The following CCDC3 variants were observed in gnomAD, a reference collection of about 807,000 sequenced individuals.
CCDC3 encodes coiled-coil domain containing 3, also known as coiled-coil domain-containing protein 3.
Under a neutral mutation model 21.4 loss-of-function variants are expected in CCDC3, and 24 were observed. That is an observed-to-expected ratio of 1.12 (90% CI 0.81 to 1.58). The LOEUF (loss-of-function observed/expected upper bound fraction) is 1.58. Among genes scored for constraint, CCDC3 ranks in the 40% most tolerant of loss-of-function variants. The probability of loss-of-function intolerance (pLI) is 0.00; values close to 1 mark genes in which losing one functional copy is unlikely to be tolerated. For missense variants in CCDC3, 425 were observed against 360.9 expected, an observed-to-expected ratio of 1.18 and a Z score of -1.44; for synonymous variants, 186 against 166.0, an observed-to-expected ratio of 1.12 and a Z score of -0.93.
At chr10:13,090,002 A>G (rs1289035867) in intron 3 of CCDC3, among the ~76,000 whole-genome samples, 1 of 147,630 alleles carries the variant, frequency 6.8e-6, no homozygotes, top group East Asian at 2.0e-4. Context: ...CCATTAATTC[A>G]TTCCTTTTTA....
intron 5 of CCDC3, among the ~76,000 whole-genome samples, chr10:13,017,702 T>C (rs746608193): frequency 2.6e-5 from 4 of 152,050 alleles, no homozygotes; most frequent in African/African-American, 4.8e-5. Context: ...CAAATAACTT[T>C]CAAGATTTTT....
chr10:12,956,152 CTT>C (rs1270013054), intron 2 of CCDC3, among the ~76,000 whole-genome samples: 4 of 152,316 alleles, frequency 2.6e-5, no homozygotes, highest in African/African-American at 7.2e-5. Flanking sequence ...CCACTTCACT[CTT>C]GTTTCAGTGA....
intron 2 of CCDC3, among the ~76,000 whole-genome samples, chr10:12,945,387 A>G (rs185313375): frequency 3.0e-4 from 45 of 152,140 alleles, no homozygotes; most frequent in African/African-American, 9.4e-4. Flanking sequence ...ATAGAATGGC[A>G]TTGTTCCACA....
intron 2 of CCDC3, among the ~76,000 whole-genome samples, chr10:12,955,525 T>C (rs542646106): frequency 6.6e-6 from 1 of 152,270 alleles, no homozygotes; most frequent in Non-Finnish European, 1.5e-5. Context: ...TCATCTAGTT[T>C]GTAGCCAAAC....
chr10:12,920,182 G>C (rs1589005499), intron 2 of CCDC3, among the ~76,000 whole-genome samples: 1 of 152,254 alleles, frequency 6.6e-6, no homozygotes, highest in Non-Finnish European at 1.5e-5. Flanking sequence ...AAGGTGAAAG[G>C]CACGTCTTAC....
intron 5 of CCDC3, among the ~76,000 whole-genome samples, chr10:13,007,791 C>T (rs1188780837): frequency 2.0e-5 from 3 of 152,070 alleles, no homozygotes; most frequent in African/African-American, 7.2e-5. Context: ...TTAAGTTATT[C>T]ATGAAAAATA....
Position 13,083,875 on chromosome 10 carries a change from C to A in CCDC3, c.-502-9775G>T, listed in dbSNP as rs529106095. Among the ~76,000 whole-genome samples, 4 of 152,330 alleles carry A rather than the reference C, an allele frequency of 2.6e-5. No individual in the cohort carries two copies. The South Asian group carries it at 8.3e-4, about 32-fold the overall frequency. On this transcript the variant is annotated intron_variant, in intron 3 of 6. Transcript: ENST00000378839. The stretch of plus-strand genomic sequence containing the variant: ...CCTCCTTTATTCAGGTGTGCTCTTG[C>A]CATTTTTCCATCTGCGAGGAGCACC...
chr10:12,909,706 G>T (rs1588999968), intron 2 of CCDC3, among the ~76,000 whole-genome samples: 1 of 152,148 alleles, frequency 6.6e-6, no homozygotes, highest in South Asian at 2.1e-4. Context: ...AACGGTGCAG[G>T]GTACCAGGTC....
At chr10:13,077,401 G>C (rs1836978473) in intron 3 of CCDC3, among the ~76,000 whole-genome samples, 1 of 152,160 alleles carries the variant, frequency 6.6e-6, no homozygotes, top group Admixed American at 6.5e-5. Flanking sequence ...TCATGGATAG[G>C]AAGAATCAAT....
intron 2 of CCDC3, among the ~76,000 whole-genome samples, chr10:12,943,465 AAC>A (rs1834865206): frequency 6.6e-6 from 1 of 152,264 alleles, no homozygotes; most frequent in Non-Finnish European, 1.5e-5. Flanking sequence ...TCAAGCTGCA[AAC>A]ACAAGCTTGC....
chr10:12,930,981 C>T (rs891221570), intron 2 of CCDC3, among the ~76,000 whole-genome samples: 6 of 151,994 alleles, frequency 3.9e-5, no homozygotes, highest in Admixed American at 6.6e-5. Context: ...GAGGCCGAGA[C>T]GGGAGGATCA....
chr10:12,996,169 G>T (rs1279960966), intron 2 of CCDC3, among the ~76,000 whole-genome samples: 1 of 152,162 alleles, frequency 6.6e-6, no homozygotes, highest in African/African-American at 2.4e-5. Flanking sequence ...TATGGAGTAG[G>T]CAACAGTAAT....
At chr10:12,959,255 C>T (rs1471513526) in intron 2 of CCDC3, among the ~76,000 whole-genome samples, 1 of 151,734 alleles carries the variant, frequency 6.6e-6, no homozygotes, top group Non-Finnish European at 1.5e-5. Context: ...GCAACCTCTG[C>T]CTCCTGGGTT....
Position 12,941,924 on chromosome 10 carries a change from C to T in CCDC3, c.550-43245G>A, listed in dbSNP as rs117824496. On this transcript the variant is annotated intron_variant, in intron 2 of 2. Transcript: ENST00000378825. ...GGACTAAGTAACTAAAGAATGGAGA[C>T]GGCCTTGAATCATCTACTTCAAAAG... Among the ~76,000 whole-genome samples, 358 of 152,282 alleles carry T rather than the reference C, an allele frequency of 2.4e-3. 3 individuals carry two copies. Among genetic ancestry groups the T allele is most frequent in the Middle Eastern group, 6.8e-3 (2 of 294 alleles).
chr10:12,981,354 A>G (rs1835494833), intron 2 of CCDC3, among the ~76,000 whole-genome samples: 1 of 151,178 alleles, frequency 6.6e-6, no homozygotes, highest in East Asian at 2.0e-4. Flanking sequence ...TAATTTTTGT[A>G]TTGTATTTTT....
At chr10:12,999,514 C>A (rs673618) in intron 1 of CCDC3, among the ~76,000 whole-genome samples, 1 of 152,194 alleles carries the variant, frequency 6.6e-6, no homozygotes, top group Non-Finnish European at 1.5e-5. Flanking sequence ...ACAGTGACCA[C>A]AGGTCCAGTT....
intron 4 of CCDC3, among the ~76,000 whole-genome samples, chr10:13,067,340 A>G (rs1836833222): frequency 2.0e-5 from 3 of 152,004 alleles, no homozygotes; most frequent in Admixed American, 6.5e-5. Flanking sequence ...TGCATTTTAA[A>G]CTATTTTTTC....
At chr10:12,950,271 A>C (rs1485819226) in intron 2 of CCDC3, among the ~76,000 whole-genome samples, 1 of 152,226 alleles carries the variant, frequency 6.6e-6, no homozygotes, top group Non-Finnish European at 1.5e-5. Flanking sequence ...ATGCATGAAT[A>C]ACTACACATG....
chr10:12,929,605 C>G (rs7087170), intron 2 of CCDC3, among the ~76,000 whole-genome samples: 123 of 152,104 alleles, frequency 8.1e-4, no homozygotes, highest in Non-Finnish European at 1.6e-3. Flanking sequence ...TTATCTTTCT[C>G]ACTCTCTACC....
Sources: gnomAD v4.1 joint callset for allele counts (sites outside exome capture counted in the v4.1 genomes callset) on GRCh38, gnomAD v4.1.1 for gene constraint, MANE v1.5 for transcripts, NCBI Gene and HGNC (gene_info 2026-07-23, HGNC 2026-07-21) for gene names.